The following SHC4 variants were observed in gnomAD, a reference collection of about 807,000 sequenced individuals.
SHC4 encodes SHC adaptor protein 4, also known as SHC-transforming protein 4.
Under a neutral mutation model 69.4 loss-of-function variants are expected in SHC4, and 41 were observed. The ratio of observed to expected loss-of-function variants is 0.59; its 90% CI spans 0.46 to 0.77. The LOEUF (loss-of-function observed/expected upper bound fraction) is 0.77, where lower values mean the gene tolerates loss of function less well. SHC4 is among the 30% of genes least tolerant of loss of function. The pLI, the probability that SHC4 is intolerant of heterozygous loss-of-function variation, is 0.00. For synonymous variants in SHC4, 318 were observed against 299.3 expected (o/e 1.06, Z -0.64); for missense variants, 777 against 783.8 (o/e 0.99, Z 0.10).
chr15:48,941,580 CA>C (rs1901175591), intron 1 of SHC4, among the ~76,000 whole-genome samples: 1 of 152,104 alleles, frequency 6.6e-6, no homozygotes, highest in Admixed American at 6.5e-5. Flanking sequence ...GGCGAGATCA[CA>C]GTCCCTGGGG....
chr15:48,948,875 C>T (rs1448644485), intron 1 of SHC4, among the ~76,000 whole-genome samples: 4 of 152,076 alleles, frequency 2.6e-5, no homozygotes, highest in African/African-American at 9.7e-5. Context: ...CACTGTATCC[C>T]ACCCTGGGTG....
At chr15:48,944,366 G>A (rs1357718068) in intron 1 of SHC4, among the ~76,000 whole-genome samples, 2 of 152,178 alleles carry the variant, frequency 1.3e-5, no homozygotes, top group African/African-American at 2.4e-5. Flanking sequence ...AGATGTGAGA[G>A]GATGTTATTG....
intron 2 of SHC4, among the ~76,000 whole-genome samples, chr15:48,894,533 TA>T (rs1900189680): frequency 6.6e-6 from 1 of 152,190 alleles, no homozygotes. Context: ...TTATGGATAC[TA>T]ACAGATGTTC....
At chr15:48,831,089 A>T (rs34952605) in intron 11 of SHC4, among the ~76,000 whole-genome samples, 1 of 152,228 alleles carries the variant, frequency 6.6e-6, no homozygotes, top group East Asian at 1.9e-4. Flanking sequence ...AATAGGAAAA[A>T]CCATATAGAA....
chr15:48,912,716 A>G (rs1376731087), intron 2 of SHC4, among the ~76,000 whole-genome samples: 4 of 152,130 alleles, frequency 2.6e-5, no homozygotes, highest in African/African-American at 9.7e-5. Context: ...TTATTTGGGT[A>G]GGCTCCGTCA....
intron 11 of SHC4, among the ~76,000 whole-genome samples, chr15:48,831,647 G>GA (rs1268821242): frequency 1.3e-5 from 2 of 152,108 alleles, no homozygotes; most frequent in Non-Finnish European, 2.9e-5. Context: ...TTTGCACAAT[G>GA]AAAAAATCAT....
intron 9 of SHC4, among the ~76,000 whole-genome samples, chr15:48,844,851 C>T (rs769521961): frequency 3.3e-5 from 5 of 152,154 alleles, no homozygotes; most frequent in Non-Finnish European, 7.3e-5. Context: ...TTCTCCTTTG[C>T]CTTCTGCCAT....
intron 1 of SHC4, among the ~76,000 whole-genome samples, chr15:48,960,050 GA>G (rs1414370819): frequency 6.6e-6 from 1 of 152,194 alleles, no homozygotes; most frequent in East Asian, 1.9e-4. Context: ...GACTTCATAA[GA>G]GATGTCATTA....
Position 48,919,295 on chromosome 15 carries a change from A to ATTTTTTTTTTTT in SHC4, c.656+5572_656+5583dup, listed in dbSNP as rs386382928. Among the ~76,000 whole-genome samples the ATTTTTTTTTTTT allele has an allele frequency of 5.3e-3, 375 of 71,236 alleles. 24 individuals are homozygous for ATTTTTTTTTTTT. Among genetic ancestry groups the ATTTTTTTTTTTT allele is most frequent in the Non-Finnish European group, 6.1e-3 (231 of 38,066 alleles). 46.7% of individuals were successfully genotyped at this position (71,236 alleles called of 152,430 possible). ...CTCACACTCTTAAAAATTTATTTTA[A>ATTTTTTTTTTTT]TTTTTTTTTTTTTTTTTTTTGTAGA... On this transcript the variant is annotated intron_variant, in intron 2 of 11. Transcript: ENST00000332408.
At chr15:48,836,800 G>A (rs955362245) in intron 10 of SHC4, among the ~76,000 whole-genome samples, 2 of 152,006 alleles carry the variant, frequency 1.3e-5, no homozygotes, top group Non-Finnish European at 2.9e-5. Context: ...CCTACTTGAG[G>A]GCTTCTTTCT....
At chr15:48,876,484 C>A (rs1899801933) in intron 4 of SHC4, 2 of 464,818 alleles carry the variant, frequency 4.3e-6, no homozygotes, top group East Asian at 6.4e-5. Context: ...TACACATACA[C>A]ACATACATAT....
At chr15:48,836,306 T>A (rs1898897648) in intron 10 of SHC4, among the ~76,000 whole-genome samples, 1 of 152,162 alleles carries the variant, frequency 6.6e-6, no homozygotes, top group Admixed American at 6.5e-5. Context: ...TACTAAACTC[T>A]AAGGTCCTTG....
intron 2 of SHC4, among the ~76,000 whole-genome samples, chr15:48,896,239 CCTCT>C (rs1212632278): frequency 1.2e-4 from 17 of 136,722 alleles, no homozygotes; most frequent in East Asian, 2.1e-4. Context: ...TCCCTCCCTC[CCTCT>C]CTCTTTCTCT....
At chr15:48,958,617 C>T (rs946915366) in intron 1 of SHC4, among the ~76,000 whole-genome samples, 1 of 152,198 alleles carries the variant, frequency 6.6e-6, no homozygotes, top group African/African-American at 2.4e-5. Flanking sequence ...AGGAACCCTA[C>T]ATTCATTAAA....
rs1323282279 is a variant in SHC4 at position 48,856,023 on chromosome 15, A to G, written c.1172T>C (p.Met391Thr). The change falls in exon 8 of 12, where the codon ATG becomes ACG. Residue 391 changes from methionine (M) to threonine (T), a missense_variant. Transcript: ENST00000332408. ...TTCCGTGGCTTGAACTTTGATCCGC[A>G]TATCTGAAACACCACCTACTGGTGG... ...KQPPVGGVSD[M>T]RIKVQATEQM... 6.2e-7 allele frequency: 1 copy of G among 1,613,946 alleles called. No homozygotes were observed. Among genetic ancestry groups the G allele is most frequent in the Non-Finnish European group, 8.5e-7 (1 of 1,179,900 alleles).
chr15:48,906,638 A>G (rs1157515773), intron 2 of SHC4, among the ~76,000 whole-genome samples: 1 of 152,128 alleles, frequency 6.6e-6, no homozygotes, highest in Non-Finnish European at 1.5e-5. Context: ...TAGTATTTGG[A>G]ACTAAGAGAA....
At chr15:48,826,552 C>T (rs886451643) in intron 11 of SHC4, among the ~76,000 whole-genome samples, 1 of 152,164 alleles carries the variant, frequency 6.6e-6, no homozygotes, top group African/African-American at 2.4e-5. Flanking sequence ...CCCTAGTCAA[C>T]AATTTTCTCA....
At chr15:48,892,895 G>T (rs1180634696) in intron 2 of SHC4, among the ~76,000 whole-genome samples, 8 of 149,370 alleles carry the variant, frequency 5.4e-5, no homozygotes, top group Non-Finnish European at 1.0e-4. Context: ...GACTATAAAT[G>T]ATATGAACTT....
At position 48,881,371 on chromosome 15, in the gene SHC4, A is replaced by C. The variant is rs548324473; in HGVS notation, c.840+2877T>G. Among the ~76,000 whole-genome samples, 22 of 143,098 alleles carry C rather than the reference A, an allele frequency of 1.5e-4. No individual in the cohort carries two copies. The South Asian group carries it at 4.7e-3, about 31-fold the overall frequency. The allele number at this position is 143,098 out of a possible 152,430, so 93.9% of individuals were successfully genotyped here. ...GTAGCCAACAAACAAACAAAAAAAC[A>C]AAGCAAAAAAAAAAAAAAACCATCT... On this transcript the variant is annotated intron_variant, in intron 4 of 11. Coordinates refer to ENST00000332408, the MANE Select transcript of SHC4 (RefSeq NM_203349.4).
Sources: allele counts gnomAD v4.1 joint callset (sites outside exome capture counted in the v4.1 genomes callset), GRCh38; gene constraint gnomAD v4.1.1; transcripts MANE v1.5; gene names NCBI Gene and HGNC (gene_info 2026-07-23, HGNC 2026-07-21).